Variants in ELAVL4 observed in about 807,000 individuals in gnomAD.
The protein encoded by ELAVL4 is ELAV-like protein 4.
A neutral mutation model predicts 35.6 loss-of-function variants in ELAVL4; 1 was observed. The observed-to-expected ratio is 0.03, with a 90% CI of 0.01 to 0.13. The LOEUF is 0.13. ELAVL4 is among the 10% of genes least tolerant of loss of function. ELAVL4 has a pLI of 1.00. For missense variants in ELAVL4, 267 were observed against 464.9 expected, an observed-to-expected ratio of 0.57 and a Z score of 3.91; for synonymous variants, 156 against 171.0, an observed-to-expected ratio of 0.91 and a Z score of 0.69.
chr1:50,118,504 G>A (rs75048162), intron 1 of ELAVL4, among the ~76,000 whole-genome samples: 34 of 46,738 alleles, frequency 7.3e-4, no homozygotes, highest in African/African-American at 5.0e-3. Context: ...GAAAAAAAAA[G>A]AGAGAGAGAG....
At chr1:50,170,859 C>G (rs1678871011) in intron 2 of ELAVL4, among the ~76,000 whole-genome samples, 1 of 152,062 alleles carries the variant, frequency 6.6e-6, no homozygotes, top group Non-Finnish European at 1.5e-5. Context: ...AAAACAAGAC[C>G]TGATTTCTTA....
At chr1:50,069,709 T>C (rs1664425550) in intron 1 of ELAVL4, among the ~76,000 whole-genome samples, 1 of 152,218 alleles carries the variant, frequency 6.6e-6, no homozygotes, top group African/African-American at 2.4e-5. Flanking sequence ...TTTAGCATTA[T>C]TACTGCATAT....
At chr1:50,108,518 T>C (rs1349856655), upstream of ELAVL4, among the ~76,000 whole-genome samples, 1 of 152,138 alleles carries the variant, frequency 6.6e-6, no homozygotes, top group African/African-American at 2.4e-5. Context: ...GATAAGGTGG[T>C]TGAAAATATT....
chr1:50,082,454 T>C (rs1012387168), intron 1 of ELAVL4, among the ~76,000 whole-genome samples: 1 of 152,256 alleles, frequency 6.6e-6, no homozygotes, highest in African/African-American at 2.4e-5. Flanking sequence ...CATATGTTTG[T>C]TGGCCACATA....
At position 50,193,957 on chromosome 1, in the gene ELAVL4, A is replaced by C. The variant is rs186661607; in HGVS notation, c.508+39A>C. The C allele has an allele frequency of 1.9e-6, 3 of 1,608,396 alleles. No homozygotes were observed. In the East Asian group the frequency reaches 6.7e-5, roughly 36 times the overall value. The stretch of plus-strand genomic sequence containing the variant: ...TTGTAATTTCTTTCCTTGTATATCA[A>C]TGTCATCAGCCCTGTTACTCATAAG... On this transcript the variant is annotated intron_variant, in intron 4 of 6. Coordinates refer to ENST00000371824, the MANE Select transcript of ELAVL4 (RefSeq NM_001144774.3).
intron 1 of ELAVL4, among the ~76,000 whole-genome samples, chr1:50,134,749 C>T (rs1402698520): frequency 6.6e-6 from 1 of 152,106 alleles, no homozygotes; most frequent in Non-Finnish European, 1.5e-5. Context: ...AACGTTCCCT[C>T]ATCTTTATAA....
At chr1:50,168,707 T>G (rs1403262355) in intron 2 of ELAVL4, among the ~76,000 whole-genome samples, 1 of 152,050 alleles carries the variant, frequency 6.6e-6, no homozygotes, top group Non-Finnish European at 1.5e-5. Context: ...AGTATCAAAT[T>G]CATTTATTTT....
intron 1 of ELAVL4, among the ~76,000 whole-genome samples, chr1:50,069,593 C>G (rs1327124600): frequency 6.6e-6 from 1 of 152,136 alleles, no homozygotes; most frequent in African/African-American, 2.4e-5. Context: ...GCAATTTATT[C>G]TTGGCATCAT....
chr1:50,154,748 T>C (rs1011773620), intron 2 of ELAVL4, among the ~76,000 whole-genome samples: 33 of 127,600 alleles, frequency 2.6e-4, no homozygotes, highest in Non-Finnish European at 4.0e-4. Flanking sequence ...GTTGTTGTTA[T>C]ATTTTGTGTG....
intron 1 of ELAVL4, among the ~76,000 whole-genome samples, chr1:50,086,231 T>C (rs908169979): frequency 1.3e-5 from 2 of 152,076 alleles, no homozygotes; most frequent in Non-Finnish European, 2.9e-5. Flanking sequence ...GATTGGCTAA[T>C]GGGTTACTTT....
At chr1:50,123,302 G>T (rs1490732869) in intron 1 of ELAVL4, among the ~76,000 whole-genome samples, 3 of 151,978 alleles carry the variant, frequency 2.0e-5, no homozygotes, top group African/African-American at 7.2e-5. Flanking sequence ...TTACCAAGTG[G>T]CTCAGGGTAC....
At chr1:50,075,499 G>A (rs1163760546) in intron 1 of ELAVL4, among the ~76,000 whole-genome samples, 2 of 152,154 alleles carry the variant, frequency 1.3e-5, no homozygotes, top group African/African-American at 4.8e-5. Flanking sequence ...GGGGAAGTGG[G>A]AGCTCTAGCC....
chr1:50,090,490 C>T (rs540545411), intron 1 of ELAVL4, among the ~76,000 whole-genome samples: 13 of 152,226 alleles, frequency 8.5e-5, no homozygotes, highest in African/African-American at 2.6e-4. Flanking sequence ...ATATATTAGT[C>T]AGAATAGGCC....
chr1:50,087,565 G>T (rs1371199627), intron 1 of ELAVL4, among the ~76,000 whole-genome samples: 1 of 152,156 alleles, frequency 6.6e-6, no homozygotes, highest in African/African-American at 2.4e-5. Context: ...AGTAGACACT[G>T]AATTTTCTAC....
rs149679198 is a variant in ELAVL4 at position 50,058,853 on chromosome 1, C to T, written c.18+10671C>T. Among the ~76,000 whole-genome samples the T allele has an allele frequency of 6.9e-3, 1,049 of 152,208 alleles. 11 individuals are homozygous for T. Among genetic ancestry groups the T allele is most frequent in the African/African-American group, 0.024 (976 of 41,530 alleles). On this transcript the variant is annotated intron_variant, in intron 1 of 6. Transcript: ENST00000448907. Reference sequence around the variant, plus strand: ...TCCTGGGCTCAAGCAATCCATCCCCCTGAGCTTCCCAAAGTGCTGGGATTA... The same window carrying T: ...TCCTGGGCTCAAGCAATCCATCCCCTTGAGCTTCCCAAAGTGCTGGGATTA...
intron 4 of ELAVL4, among the ~76,000 whole-genome samples, chr1:50,195,170 C>T (rs779795842): frequency 5.9e-5 from 9 of 152,160 alleles, no homozygotes; most frequent in Non-Finnish European, 8.8e-5. Flanking sequence ...GTTTTTAAAG[C>T]ATATCATGTG....
chr1:50,118,961 A>AGG (rs1668442960), intron 1 of ELAVL4, among the ~76,000 whole-genome samples: 3 of 125,714 alleles, frequency 2.4e-5, no homozygotes, highest in South Asian at 3.2e-4. Flanking sequence ...AGAGAGAGAG[A>AGG]GAGGGAGGGA....
chr1:50,062,652 T>C (rs957636272), intron 1 of ELAVL4, among the ~76,000 whole-genome samples: 1 of 152,056 alleles, frequency 6.6e-6, no homozygotes, highest in Non-Finnish European at 1.5e-5. Context: ...AAGATGTGAA[T>C]AGAAAAGAGA....
chr1:50,164,002 A>G (rs1677284057), intron 2 of ELAVL4, among the ~76,000 whole-genome samples: 1 of 152,196 alleles, frequency 6.6e-6, no homozygotes, highest in Admixed American at 6.5e-5. Flanking sequence ...CAAGAAAGCT[A>G]CTTCTCCCTC....
Sources: allele counts gnomAD v4.1 joint callset (sites outside exome capture counted in the v4.1 genomes callset), GRCh38; gene constraint gnomAD v4.1.1; transcripts MANE v1.5; gene names NCBI Gene and HGNC (gene_info 2026-07-23, HGNC 2026-07-21).